HHIPL2: variants seen among roughly 807,000 people sequenced by gnomAD.
HHIPL2 encodes HHIP like 2, also known as HHIP-like protein 2.
A neutral mutation model predicts 61.0 loss-of-function variants in HHIPL2; 61 were observed. The observed-to-expected ratio is 1.00, with a 90% CI of 0.81 to 1.24. HHIPL2 has a LOEUF of 1.24. HHIPL2 is among the 50% of genes most tolerant of loss of function. The pLI is 0.00. For missense variants in HHIPL2, 885 were observed against 910.2 expected, an observed-to-expected ratio of 0.97 and a Z score of 0.36; for synonymous variants, 343 against 357.4, an observed-to-expected ratio of 0.96 and a Z score of 0.45.
At chr1:222,531,473 C>T (rs997358052) in intron 6 of HHIPL2, among the ~76,000 whole-genome samples, 2 of 152,162 alleles carry the variant, frequency 1.3e-5, no homozygotes, top group African/African-American at 4.8e-5. Flanking sequence ...TGGAGCCGGG[C>T]GCGGTGGCTC....
chr1:222,529,593 A>T (rs1356990579), intron 6 of HHIPL2, among the ~76,000 whole-genome samples: 1 of 152,234 alleles, frequency 6.6e-6, no homozygotes, highest in East Asian at 1.9e-4. Flanking sequence ...TCCAACTGAT[A>T]TTTTTAATAT....
intron 6 of HHIPL2, among the ~76,000 whole-genome samples, chr1:222,527,408 T>G (rs1313013557): frequency 6.6e-6 from 1 of 152,194 alleles, no homozygotes. Flanking sequence ...TGTGAACACT[T>G]GGATATATAC....
Position 222,530,960 on chromosome 1 carries a change from T to G in HHIPL2, c.1723+1006A>C, listed in dbSNP as rs78243167. 8.8e-3 allele frequency among the ~76,000 whole-genome samples: 1,343 copies of G among 152,286 alleles called. 21 individuals are homozygous for G. The highest frequency in any genetic ancestry group is 0.03 in the African/African-American group (1,248 of 41,560). On this transcript the variant is annotated intron_variant, in intron 6 of 8. Transcript: ENST00000343410. The stretch of plus-strand genomic sequence containing the variant: ...TATTTAAAATTCGAAAACCTTATCT[T>G]TCAGAGTGAAACATAACTTATGTAA...
chr1:222,535,143 T>C (rs761252068), intron 5 of HHIPL2, among the ~76,000 whole-genome samples: 2 of 152,146 alleles, frequency 1.3e-5, no homozygotes, highest in African/African-American at 2.4e-5. Flanking sequence ...GGATTTCTCA[T>C]TGGAATGGTG....
chr1:222,541,264 T>C (rs1462592428), intron 3 of HHIPL2, among the ~76,000 whole-genome samples: 3 of 152,184 alleles, frequency 2.0e-5, no homozygotes, highest in Non-Finnish European at 4.4e-5. Flanking sequence ...AAGTGCTTAC[T>C]GGGTGCAAAG....
chr1:222,536,586 C>T (rs536074328), intron 5 of HHIPL2, among the ~76,000 whole-genome samples: 2 of 152,302 alleles, frequency 1.3e-5, no homozygotes, highest in African/African-American at 4.8e-5. Flanking sequence ...CTATTTTACA[C>T]AAACTCTTCC....
In HHIPL2 at chr1:222,527,063, A is replaced by G. The variant is rs1659084504; in HGVS notation, c.1724-13T>C. On this transcript the variant is annotated splice_polypyrimidine_tract_variant and intron_variant, in intron 6 of 8. Transcript: ENST00000343410. ...AAATACAGCTCCCCTAAGGCAACAA[A>G]AATAGACAGGCAATAATGGGACATC... 1 of 1,605,224 alleles carries G rather than the reference A, an allele frequency of 6.2e-7. No homozygotes were observed. The highest frequency in any genetic ancestry group is 8.5e-7 in the Non-Finnish European group (1 of 1,173,006).
At chr1:222,530,165 GT>G (rs11318288) in intron 6 of HHIPL2, among the ~76,000 whole-genome samples, 31,992 of 149,516 alleles carry the variant, frequency 0.21, 5,083 homozygotes, top group African/African-American at 0.42. Context: ...CATGACTGTT[GT>G]TTTTTTTTTA....
chr1:222,547,748 A>G lies in HHIPL2; in HGVS notation c.297T>C (p.Asp99=). 6.2e-7 allele frequency: 1 copy of G among 1,613,562 alleles called. No homozygotes were observed. The highest frequency in any genetic ancestry group is 8.5e-7 in the Non-Finnish European group (1 of 1,179,520). The change falls in exon 1 of 9, where the codon GAT becomes GAC. Residue 99 remains aspartate (D), a synonymous_variant. Transcript: ENST00000343410. ...CCTGGCAAAGGATGTCTTTAATGTA[A>G]TCTCCACACAGCTCATGTCTCTTCA... ...FDLKRHELCG[D]YIKDILCQEC...
In HHIPL2 at chr1:222,540,074, A is replaced by G. The variant is rs1260100569; in HGVS notation, c.1386T>C (p.Tyr462=). ...EVDLILKGGN[Y]GWRAKEGFAC... Reference sequence around the variant, plus strand: ...CAAACCCTTCCTTTGCTCTCCAGCCATAGTTTCCACCTTTCAAAATGAGGT... The same window carrying G: ...CAAACCCTTCCTTTGCTCTCCAGCCGTAGTTTCCACCTTTCAAAATGAGGT... The change falls in exon 4 of 9, where the codon TAT becomes TAC. Residue 462 remains tyrosine, a synonymous_variant. Transcript: ENST00000343410. 1.3e-5 allele frequency: 21 copies of G among 1,614,140 alleles called. No homozygotes were observed. Among genetic ancestry groups the G allele is most frequent in the Non-Finnish European group, 1.8e-5 (21 of 1,180,058 alleles).
intron 5 of HHIPL2, among the ~76,000 whole-genome samples, chr1:222,532,848 T>C (rs769162226): frequency 4.0e-5 from 5 of 123,464 alleles, no homozygotes; most frequent in South Asian, 2.3e-4. Context: ...ATAGTAAGGG[T>C]TAAAAAAACT....
intron 1 of HHIPL2, among the ~76,000 whole-genome samples, chr1:222,545,012 A>G (rs1255294318): frequency 6.6e-6 from 1 of 152,222 alleles, no homozygotes; most frequent in African/African-American, 2.4e-5. Context: ...CAAACATATA[A>G]GGACTATTTG....
At chr1:222,528,993 T>A (rs1659131167) in intron 6 of HHIPL2, among the ~76,000 whole-genome samples, 1 of 151,826 alleles carries the variant, frequency 6.6e-6, no homozygotes, top group African/African-American at 2.4e-5. Context: ...GATCATTTTT[T>A]AAACTTTTTG....
At chr1:222,540,419 C>A in intron 3 of HHIPL2, 78 bp from the exon 4 acceptor site, 1 of 1,156,260 alleles carries the variant, frequency 8.6e-7, no homozygotes, top group Non-Finnish European at 1.2e-6. Context: ...CCCAGAAGGG[C>A]CGACTCATAG....
chr1:222,536,832 T>C (rs1269143503), intron 5 of HHIPL2, among the ~76,000 whole-genome samples: 1 of 152,074 alleles, frequency 6.6e-6, no homozygotes, highest in Non-Finnish European at 1.5e-5. Flanking sequence ...GGAGAACAGC[T>C]TGAAGCCAGG....
chr1:222,525,564 C>T (rs998036550), intron 7 of HHIPL2, among the ~76,000 whole-genome samples: 6 of 152,132 alleles, frequency 3.9e-5, no homozygotes, highest in African/African-American at 7.2e-5. Flanking sequence ...AGTGGCTGGA[C>T]CTATTTGCCT....
chr1:222,544,269 GA>G, intron 1 of HHIPL2, 80 bp from the exon 2 acceptor site: 2 of 1,449,424 alleles, frequency 1.4e-6, no homozygotes, highest in Non-Finnish European at 1.9e-6. Flanking sequence ...CAAGCAGAAA[GA>G]AAAAATGGTG....
At chr1:222,529,319 G>A (rs1438581152) in intron 6 of HHIPL2, among the ~76,000 whole-genome samples, 1 of 152,184 alleles carries the variant, frequency 6.6e-6, no homozygotes. Context: ...TTTAGAGTCA[G>A]TTTGCTTTGT....
rs187004437 is a variant in HHIPL2, at chr1:222,522,487, C to T, written c.*114G>A. ...CCCAGGGAGAGGAAAACCGCCCTGC[C>T]CCACCTCTACCCTGGCTTCCCAGAC... On this transcript the variant is annotated 3_prime_UTR_variant, in exon 9 of 9. Transcript: ENST00000343410. The T allele has an allele frequency of 1.7e-4, 192 of 1,144,842 alleles. No homozygotes were observed. In the African/African-American group the frequency reaches 2.8e-3, roughly 17 times the overall value. 70.9% of individuals were successfully genotyped at this position (1,144,842 alleles called of 1,614,324 possible). A position where few individuals can be genotyped will look rare whatever the true frequency, so the allele number is the denominator to read the frequency against.
Sources: allele counts gnomAD v4.1 joint callset (sites outside exome capture counted in the v4.1 genomes callset), GRCh38; gene constraint gnomAD v4.1.1; transcripts MANE v1.5; gene names NCBI Gene and HGNC (gene_info 2026-07-23, HGNC 2026-07-21).